The following TENM3 variants were observed in gnomAD, a reference collection of about 807,000 sequenced individuals.
TENM3 encodes teneurin-3.
In TENM3, 63 loss-of-function variants were observed where a neutral mutation model predicts 255.1. That is an observed-to-expected ratio of 0.25 (90% CI 0.20 to 0.30). The LOEUF is 0.30. TENM3 is among the 10% of genes least tolerant of loss of function. The pLI is 1.00. For missense variants in TENM3, 2,929 were observed against 3,461.1 expected (o/e 0.85, Z 3.86); for synonymous variants, 1,306 against 1,322.3 (o/e 0.99, Z 0.27).
chr4:182,168,901 AAC>A (rs1223556207), intron 1 of TENM3, among the ~76,000 whole-genome samples: 1 of 152,168 alleles, frequency 6.6e-6, no homozygotes, highest in Non-Finnish European at 1.5e-5. Flanking sequence ...CTGAAAAAAT[AAC>A]ACACTGTATA....
chr4:181,573,633 TTC>T, the TENM3 span, among the ~76,000 whole-genome samples: 1 of 152,254 alleles, frequency 6.6e-6, no homozygotes, highest in Non-Finnish European at 1.5e-5. Context: ...TGGCAGAGAT[TTC>T]TCTGTCTGTC....
At chr4:182,036,798 T>A in the TENM3 span, among the ~76,000 whole-genome samples, 2 of 152,168 alleles carry the variant, frequency 1.3e-5, no homozygotes, top group Non-Finnish European at 2.9e-5. Flanking sequence ...ATTTTCCTGA[T>A]AAAAAAATTA....
At position 182,524,251 on chromosome 4, in the gene TENM3, A is replaced by G. The variant is rs542215300; in HGVS notation, c.512-76673A>G. Among the ~76,000 whole-genome samples the G allele has an allele frequency of 1.1e-4, 17 of 151,702 alleles. No homozygotes were observed. In the East Asian group the frequency reaches 3.3e-3, roughly 29 times the overall value. On this transcript the variant is annotated intron_variant, in intron 3 of 27. Coordinates refer to ENST00000511685, the MANE Select transcript of TENM3 (RefSeq NM_001080477.4). ...TTGCCAAATACTTGAATGGGTTATC[A>G]TTTCAAATTGGTGACATGTCAAAAA...
At chr4:181,796,942 G>A in the TENM3 span, among the ~76,000 whole-genome samples, 5 of 152,096 alleles carry the variant, frequency 3.3e-5, no homozygotes, top group African/African-American at 1.2e-4. Flanking sequence ...TATTCTCGGG[G>A]AATGATTTTT....
the TENM3 span, among the ~76,000 whole-genome samples, chr4:181,501,171 C>T: frequency 6.6e-6 from 1 of 152,086 alleles, no homozygotes; most frequent in Admixed American, 6.5e-5. Flanking sequence ...GTTGGCACCA[C>T]GTTTGGACCT....
At chr4:182,522,581 A>C (rs922327937) in intron 3 of TENM3, among the ~76,000 whole-genome samples, 4 of 152,144 alleles carry the variant, frequency 2.6e-5, no homozygotes, top group African/African-American at 9.7e-5. Flanking sequence ...TTTTTTAAAA[A>C]ATTTATTTGT....
At chr4:182,236,830 C>T (rs939763973) in intron 1 of TENM3, among the ~76,000 whole-genome samples, 3 of 152,078 alleles carry the variant, frequency 2.0e-5, no homozygotes, top group African/African-American at 4.8e-5. Flanking sequence ...AATATTAAAC[C>T]CAGAGATGCT....
the TENM3 span, among the ~76,000 whole-genome samples, chr4:181,755,737 G>A: frequency 1.1e-4 from 16 of 152,082 alleles, no homozygotes; most frequent in East Asian, 2.5e-3. Flanking sequence ...CTGCTCTCCT[G>A]CCTTTCCCGT....
At chr4:182,183,653 G>A (rs1474171074) in intron 1 of TENM3, among the ~76,000 whole-genome samples, 5 of 151,994 alleles carry the variant, frequency 3.3e-5, no homozygotes, top group East Asian at 1.9e-4. Flanking sequence ...CAGCATTTTC[G>A]TTTTTACTGC....
At chr4:181,768,017 T>C in the TENM3 span, among the ~76,000 whole-genome samples, 1 of 152,186 alleles carries the variant, frequency 6.6e-6, no homozygotes, top group Admixed American at 6.5e-5. Context: ...AGAAGGCAAA[T>C]GGCTATTCAA....
chr4:182,348,992 A>G (rs141516443), intron 3 of TENM3, among the ~76,000 whole-genome samples: 5 of 152,306 alleles, frequency 3.3e-5, no homozygotes, highest in Admixed American at 6.5e-5. Flanking sequence ...AAGGCAAGAA[A>G]AGTTGCACTC....
rs186863498 is a variant in TENM3 at position 182,253,398 on chromosome 4, A to T, written c.-76+9922A>T. On this transcript the variant is annotated intron_variant, in intron 1 of 27. Coordinates refer to ENST00000511685, the MANE Select transcript of TENM3 (RefSeq NM_001080477.4). ...TGAAGCAGGAGAATCACTTGCACCC[A>T]GGAGGCAAAGGTTGTAGTGAGCTGA... Among the ~76,000 whole-genome samples, 5 of 152,314 alleles carry T rather than the reference A, an allele frequency of 3.3e-5. No homozygotes were observed. The South Asian group carries it at 1.0e-3, about 32-fold the overall frequency.
chr4:182,392,134 G>A (rs1258188648), intron 3 of TENM3, among the ~76,000 whole-genome samples: 1 of 152,096 alleles, frequency 6.6e-6, no homozygotes, highest in Non-Finnish European at 1.5e-5. Context: ...TCTCAAATGG[G>A]GAAAAGGGCA....
Position 182,754,489 on chromosome 4 carries a change from T to A in TENM3, c.4122T>A (p.Val1374=), listed in dbSNP as rs760588850. ...VVLQITENRQ[V]RIAAGRPMHC... The stretch of plus-strand genomic sequence containing the variant: ...TACAGATCACTGAAAATCGTCAAGT[T>A]CGCATTGCTGCTGGACGGCCCATGC... The change falls in exon 22 of 28, where the codon GTT becomes GTA. Residue 1374 remains valine, a synonymous_variant. Coordinates refer to ENST00000511685, the MANE Select transcript of TENM3 (RefSeq NM_001080477.4). This position sits in a 1 kb window ranked among gnomAD's most constrained non-coding sequence, Gnocchi z 5.1. 7 of 1,613,618 alleles carry A rather than the reference T, an allele frequency of 4.3e-6. No individual in the cohort carries two copies. In the African/African-American group the frequency reaches 9.3e-5, roughly 22 times the overall value.
chr4:181,501,534 C>T, the TENM3 span, among the ~76,000 whole-genome samples: 6 of 151,972 alleles, frequency 3.9e-5, no homozygotes, highest in African/African-American at 7.2e-5. Context: ...CCCGCCACCA[C>T]GTCTGGCTAA....
chr4:182,259,746 GTCTTT>G (rs1278100951), intron 1 of TENM3, among the ~76,000 whole-genome samples: 1 of 146,086 alleles, frequency 6.8e-6, no homozygotes, highest in African/African-American at 2.6e-5. Flanking sequence ...TTAAATAGTT[GTCTTT>G]TCTTTATGCT....
chr4:181,891,280 T>C, the TENM3 span, among the ~76,000 whole-genome samples: 1 of 152,170 alleles, frequency 6.6e-6, no homozygotes, highest in African/African-American at 2.4e-5. Context: ...AAAATGCATC[T>C]AAAACATAAA....
the TENM3 span, among the ~76,000 whole-genome samples, chr4:181,996,112 A>C: frequency 6.6e-6 from 1 of 151,544 alleles, no homozygotes; most frequent in Non-Finnish European, 1.5e-5. Flanking sequence ...TTGATCAAGC[A>C]CCTAGGATAG....
intron 3 of TENM3, among the ~76,000 whole-genome samples, chr4:182,544,760 G>T (rs913334818): frequency 6.6e-6 from 1 of 152,170 alleles, no homozygotes; most frequent in Non-Finnish European, 1.5e-5. Context: ...GAACCTATGC[G>T]TTGGCTTGAT....
Sources: gnomAD v4.1 joint callset for allele counts (sites outside exome capture counted in the v4.1 genomes callset) on GRCh38, gnomAD v4.1.1 for gene constraint, Gnocchi (gnomAD v3.1) non-coding constraint, MANE v1.5 for transcripts, NCBI Gene and HGNC (gene_info 2026-07-23, HGNC 2026-07-21) for gene names.